PCDH15: variants seen among roughly 807,000 people sequenced by gnomAD.
PCDH15 encodes the protein protocadherin related 15.
Under a neutral mutation model 178.5 loss-of-function variants are expected in PCDH15, and 129 were observed. The ratio of observed to expected loss-of-function variants is 0.72; its 90% CI spans 0.63 to 0.84. The LOEUF (loss-of-function observed/expected upper bound fraction) is 0.84. Ranked by LOEUF, PCDH15 falls within the 40% of genes least tolerant of loss-of-function variation. PCDH15 has a pLI of 0.00. For missense variants in PCDH15, 2,230 were observed against 2,099.9 expected (o/e 1.06, Z -1.21); for synonymous variants, 800 against 732.0 (o/e 1.09, Z -1.50).
intron 3 of PCDH15, among the ~76,000 whole-genome samples, chr10:54,503,560 T>C (rs1033354137): frequency 2.0e-4 from 30 of 151,526 alleles, no homozygotes; most frequent in Admixed American, 1.3e-3. Context: ...TGGGCTTGAC[T>C]CACATAGCTG....
chr10:53,827,224 C>CAACTT (rs1458264052), intron 32 of PCDH15, among the ~76,000 whole-genome samples, 169 bp downstream of exon 32: 1 of 152,016 alleles, frequency 6.6e-6, no homozygotes, highest in Non-Finnish European at 1.5e-5. Flanking sequence ...TATTATTTTT[C>CAACTT]AACTTAACCT....
intron 2 of PCDH15, among the ~76,000 whole-genome samples, chr10:55,023,836 T>C (rs1205461342): frequency 6.6e-6 from 1 of 150,678 alleles, no homozygotes; most frequent in African/African-American, 2.4e-5. Context: ...CACACACTCA[T>C]ATATATATGC....
intron 3 of PCDH15, among the ~76,000 whole-genome samples, chr10:54,391,748 C>T (rs2135323084): frequency 6.6e-6 from 1 of 152,234 alleles, no homozygotes; most frequent in Non-Finnish European, 1.5e-5. Context: ...TTTGTGGAAG[C>T]CAACTGAATG....
chr10:54,771,787 TC>T lies in PCDH15; in HGVS notation c.-29+29137del, dbSNP rs1447367084. Among the ~76,000 whole-genome samples, 13 of 152,248 alleles carry T rather than the reference TC, an allele frequency of 8.5e-5. No individual in the cohort carries two copies. The East Asian group carries it at 2.5e-3, about 29-fold the overall frequency. On this transcript the variant is annotated intron_variant, in intron 1 of 37. Transcript: ENST00000644397. ...TTGAGGTTTGATTTATATTCACACT[TC>T]CGTCTTAAAATTTTCAAAAGACATC...
intron 2 of PCDH15, among the ~76,000 whole-genome samples, chr10:54,615,148 G>A (rs979346736): frequency 2.6e-5 from 4 of 152,022 alleles, no homozygotes; most frequent in African/African-American, 9.7e-5. Flanking sequence ...TACCTCAGGC[G>A]AGATAATACA....
At chr10:54,043,618 G>A (rs1324904218) in intron 18 of PCDH15, among the ~76,000 whole-genome samples, 1 of 151,914 alleles carries the variant, frequency 6.6e-6, no homozygotes, top group African/African-American at 2.4e-5. Context: ...CAAACTCTTA[G>A]GCTCAAGCAA....
chr10:54,564,238 C>G (rs187734858), intron 2 of PCDH15, among the ~76,000 whole-genome samples: 1 of 151,988 alleles, frequency 6.6e-6, no homozygotes, highest in Admixed American at 6.6e-5. Context: ...AGATCCCTAA[C>G]GACATATCAG....
At chr10:55,315,210 A>G (rs183055385) in intron 1 of PCDH15, among the ~76,000 whole-genome samples, 3 of 152,330 alleles carry the variant, frequency 2.0e-5, no homozygotes, top group East Asian at 3.9e-4. Context: ...ATTTCAAAAG[A>G]TCACTCAGCC....
chr10:55,074,577 T>G (rs1320572207), intron 2 of PCDH15, among the ~76,000 whole-genome samples: 2 of 152,166 alleles, frequency 1.3e-5, no homozygotes, highest in Admixed American at 1.3e-4. Flanking sequence ...GGGGTTTTTT[T>G]GTAAATTTAT....
chr10:54,570,189 T>C (rs532069265), intron 2 of PCDH15, among the ~76,000 whole-genome samples: 24 of 152,180 alleles, frequency 1.6e-4, no homozygotes, highest in African/African-American at 5.8e-4. Flanking sequence ...TGTGGAACCA[T>C]ACTGGAGCCT....
chr10:54,664,132 T>C (rs767661050), intron 2 of PCDH15, 40 bp downstream of exon 2: 1 of 1,447,396 alleles, frequency 6.9e-7, no homozygotes, highest in Non-Finnish European at 9.7e-7. Context: ...ATAATAAAAA[T>C]CCTGGCTCGC....
At chr10:54,573,990 A>G (rs1423053184) in intron 2 of PCDH15, among the ~76,000 whole-genome samples, 3 of 152,104 alleles carry the variant, frequency 2.0e-5, no homozygotes, top group South Asian at 2.1e-4. Flanking sequence ...GTTCACTCTG[A>G]TGGTAGTTTC....
At chr10:55,040,830 T>C (rs990383664) in intron 2 of PCDH15, among the ~76,000 whole-genome samples, 1 of 150,592 alleles carries the variant, frequency 6.6e-6, no homozygotes, top group African/African-American at 2.5e-5. Flanking sequence ...TTCTATTTTA[T>C]GACTTTTTTC....
chr10:55,334,298 CTA>C lies in PCDH15; in HGVS notation c.-155-167649_-155-167648del, dbSNP rs748701046. 1.0e-4 allele frequency among the ~76,000 whole-genome samples: 9 copies of C among 86,878 alleles called. 1 individual carries two copies. Among genetic ancestry groups the C allele is most frequent in the South Asian group, 3.8e-4 (1 of 2,628 alleles). 57.0% of individuals were successfully genotyped at this position (86,878 alleles called of 152,430 possible). ...TGTGTGTGTGTGTATGTGTATATAT[CTA>C]TATATATATATATATTTTTTTTTTG... On this transcript the variant is annotated intron_variant, in intron 2 of 5. Transcript: ENST00000613346.
chr10:54,833,075 G>A (rs996022723), intron 3 of PCDH15, among the ~76,000 whole-genome samples: 7 of 152,054 alleles, frequency 4.6e-5, no homozygotes, highest in Admixed American at 1.3e-4. Flanking sequence ...GGAACATCAC[G>A]TATGTTATCT....
chr10:55,295,287 G>C (rs903412499), intron 1 of PCDH15, among the ~76,000 whole-genome samples: 2 of 152,098 alleles, frequency 1.3e-5, no homozygotes, highest in Non-Finnish European at 2.9e-5. Context: ...AGCAAAACCA[G>C]TTTGAAACTA....
intron 2 of PCDH15, among the ~76,000 whole-genome samples, chr10:55,042,830 T>C (rs776907965): frequency 2.0e-4 from 31 of 152,142 alleles, no homozygotes; most frequent in Non-Finnish European, 4.4e-4. Context: ...TTCCAGTCTT[T>C]CAATATAAAT....
chr10:54,590,978 GAGTAAAA>G (rs2091850554), intron 2 of PCDH15, among the ~76,000 whole-genome samples: 1 of 152,062 alleles, frequency 6.6e-6, no homozygotes, highest in African/African-American at 2.4e-5. Context: ...ACATTCAATG[GAGTAAAA>G]AGTAAATTAA....
intron 2 of PCDH15, among the ~76,000 whole-genome samples, chr10:54,917,139 T>C (rs1837356819): frequency 6.6e-6 from 1 of 152,180 alleles, no homozygotes; most frequent in Non-Finnish European, 1.5e-5. Flanking sequence ...CATAAATACG[T>C]AAAATGCATT....
Sources: allele counts gnomAD v4.1 joint callset (sites outside exome capture counted in the v4.1 genomes callset), GRCh38; gene constraint gnomAD v4.1.1; transcripts MANE v1.5; gene names NCBI Gene and HGNC (gene_info 2026-07-23, HGNC 2026-07-21).